AGAP1: variants seen among roughly 807,000 people sequenced by gnomAD.
The protein encoded by AGAP1 is ArfGAP with GTPase domain, ankyrin repeat and PH domain 1.
A neutral mutation model predicts 105.3 loss-of-function variants in AGAP1; 29 were observed. That is an observed-to-expected ratio of 0.28 (90% CI 0.21 to 0.38). The LOEUF is 0.38. Ranked by LOEUF, AGAP1 falls within the 10% of genes least tolerant of loss-of-function variation. The pLI is 1.00. For missense variants in AGAP1, 998 were observed against 1,165.1 expected, an observed-to-expected ratio of 0.86 and a Z score of 2.09; for synonymous variants, 509 against 485.9, an observed-to-expected ratio of 1.05 and a Z score of -0.63.
chr2:235,932,840 G>T (rs1034727627), intron 12 of AGAP1, among the ~76,000 whole-genome samples: 3 of 152,218 alleles, frequency 2.0e-5, no homozygotes, highest in Non-Finnish European at 4.4e-5. Context: ...CGTTTGGTTG[G>T]AAGTCTCTTT....
intron 6 of AGAP1, among the ~76,000 whole-genome samples, chr2:235,767,819 C>G (rs1955097937): frequency 8.3e-6 from 1 of 120,992 alleles, no homozygotes; most frequent in Admixed American, 1.2e-4. Context: ...CAGTCTCGCT[C>G]TGTCGCCCGG....
intron 8 of AGAP1, among the ~76,000 whole-genome samples, chr2:235,806,251 A>G (rs1396096876): frequency 6.6e-6 from 1 of 152,150 alleles, no homozygotes; most frequent in Non-Finnish European, 1.5e-5. Context: ...AGCACGTGAA[A>G]ATGTTTCTCC....
chr2:236,039,148 A>G (rs548783287), intron 14 of AGAP1, among the ~76,000 whole-genome samples: 1 of 152,310 alleles, frequency 6.6e-6, no homozygotes, highest in East Asian at 1.9e-4. Context: ...ATAAGCCTCA[A>G]AAACACTACA....
intron 1 of AGAP1, among the ~76,000 whole-genome samples, chr2:235,605,591 A>C (rs891100720): frequency 2.6e-5 from 4 of 152,216 alleles, no homozygotes; most frequent in Non-Finnish European, 5.9e-5. Context: ...CCAATTATTC[A>C]AGACACCCTA....
intron 5 of AGAP1, among the ~76,000 whole-genome samples, chr2:235,748,002 A>T (rs994800811): frequency 6.6e-6 from 1 of 152,260 alleles, no homozygotes; most frequent in Non-Finnish European, 1.5e-5. Context: ...GACTGCACGA[A>T]TGTTCATAAT....
rs1958766560 is a variant in AGAP1 at position 235,821,193 on chromosome 2, C to G, written c.1050+13862C>G. ...AAGAAGTTAAATTAGTAATTGCTAACTGAATAGTACCAGGATGTACAGCCA... is the reference window on the plus strand; with the variant it reads ...AAGAAGTTAAATTAGTAATTGCTAAGTGAATAGTACCAGGATGTACAGCCA... On this transcript the variant is annotated intron_variant, in intron 9 of 17. Transcript: ENST00000304032. Among the ~76,000 whole-genome samples the G allele has an allele frequency of 3.3e-5, 5 of 152,244 alleles. No homozygotes were observed. In the South Asian group the frequency reaches 1.0e-3, roughly 32 times the overall value.
rs756524688 is a variant in AGAP1 at position 235,621,320 on chromosome 2, C to T, written c.164-87859C>T. On this transcript the variant is annotated intron_variant, in intron 1 of 17. Transcript: ENST00000304032. This position sits in a 1 kb window ranked among gnomAD's most constrained non-coding sequence, Gnocchi z 4.1. ...TACAGGTGTGAGCCACCACGCCCAG[C>T]CGATCTATTTAATTTCATTGTGCCT... Among the ~76,000 whole-genome samples the T allele has an allele frequency of 2.6e-5, 4 of 152,184 alleles. No individual in the cohort carries two copies. The highest frequency in any genetic ancestry group is 7.2e-5 in the African/African-American group (3 of 41,438).
intron 1 of AGAP1, among the ~76,000 whole-genome samples, chr2:235,679,960 T>A (rs1294267244): frequency 4.6e-5 from 7 of 152,234 alleles, no homozygotes; most frequent in Non-Finnish European, 1.0e-4. Context: ...CGTGGATCTG[T>A]GTTGTACTGA....
At position 236,049,269 on chromosome 2, in the gene AGAP1, T is replaced by C. The variant is rs747919088; in HGVS notation, c.2102T>C (p.Val701Ala). The C allele has an allele frequency of 4.3e-6, 7 of 1,613,932 alleles. No individual in the cohort carries two copies. The East Asian group carries it at 1.3e-4, about 31-fold the overall frequency. The stretch of plus-strand genomic sequence containing the variant: ...AGCCAGGGGCGGACGAAACCATCGG[T>C]AGACTCCACAAGGTAGGAACTTTGG... Reference protein sequence around the residue: ...ESSQGRTKPSVDSTREEKERW... With the variant: ...ESSQGRTKPSADSTREEKERW... Residue 701 changes from valine to alanine, a missense_variant, in exon 16 of 18, where the codon GTA becomes GCA. Val to Ala is a moderately conservative substitution (Grantham distance 64, BLOSUM62 0). Transcript: ENST00000304032.
Position 235,893,531 on chromosome 2 carries a change from C to A in AGAP1, c.1155+10082C>A, listed in dbSNP as rs1331619431. ...GGTGTGGCATGTCCACGAGGGTGCACCATGTCTGTGGTGCGGGTGTGCCGT... is the reference window on the plus strand; with the variant it reads ...GGTGTGGCATGTCCACGAGGGTGCAACATGTCTGTGGTGCGGGTGTGCCGT... On this transcript the variant is annotated intron_variant, in intron 10 of 17. Transcript: ENST00000304032. This position sits in a 1 kb window ranked among gnomAD's most constrained non-coding sequence, Gnocchi z 4.7. Among the ~76,000 whole-genome samples the A allele has an allele frequency of 6.7e-6, 1 of 149,382 alleles. No homozygotes were observed. Among genetic ancestry groups the A allele is most frequent in the Non-Finnish European group, 1.5e-5 (1 of 67,252 alleles).
At chr2:235,648,661 C>T (rs1341736004) in intron 1 of AGAP1, among the ~76,000 whole-genome samples, 1 of 145,454 alleles carries the variant, frequency 6.9e-6, no homozygotes, top group African/African-American at 2.5e-5. Flanking sequence ...ATCACTAGGT[C>T]AGGAGATTGA....
Position 235,973,165 on chromosome 2 carries a change from C to T in AGAP1, c.1645+4542C>T, listed in dbSNP as rs2054723537. Among the ~76,000 whole-genome samples the T allele has an allele frequency of 6.6e-6, 1 of 152,156 alleles. No individual in the cohort carries two copies. The highest frequency in any genetic ancestry group is 1.5e-5 in the Non-Finnish European group (1 of 68,034). ...CCGATGGAAATTGGGCCGTTCCTGCCCTGGAGTTTCTCCCTGCGCAGGTGC... is the reference window on the plus strand; with the variant it reads ...CCGATGGAAATTGGGCCGTTCCTGCTCTGGAGTTTCTCCCTGCGCAGGTGC... On this transcript the variant is annotated intron_variant, in intron 13 of 17. Transcript: ENST00000304032. This position sits in a 1 kb window ranked among gnomAD's most constrained non-coding sequence, Gnocchi z 4.7.
intron 12 of AGAP1, among the ~76,000 whole-genome samples, chr2:235,941,005 C>T (rs2053234147): frequency 6.6e-6 from 1 of 152,188 alleles, no homozygotes; most frequent in Non-Finnish European, 1.5e-5. Context: ...AAATGAGCTC[C>T]AAGGATTCTG....
intron 11 of AGAP1, among the ~76,000 whole-genome samples, chr2:235,911,728 T>C (rs987503830): frequency 3.3e-5 from 5 of 152,244 alleles, no homozygotes; most frequent in Non-Finnish European, 7.3e-5. Flanking sequence ...TAAGAGCCCC[T>C]GTTGGGCAAA....
rs190630840 is a variant in AGAP1 at position 235,757,749 on chromosome 2, C to T, written c.673+7261C>T. ...GCCTCGGTGTGCTCTTGATGCTTTG[C>T]TTCCAGAGATTGAAATCCTGGTGTG... On this transcript the variant is annotated intron_variant, in intron 6 of 17. Transcript: ENST00000304032. Among the ~76,000 whole-genome samples the T allele has an allele frequency of 1.3e-4, 20 of 152,286 alleles. No homozygotes were observed. The East Asian group carries it at 3.9e-3, about 29-fold the overall frequency.
chr2:235,713,908 TTCTC>T (rs1184133785), intron 2 of AGAP1, among the ~76,000 whole-genome samples: 3 of 152,194 alleles, frequency 2.0e-5, no homozygotes, highest in African/African-American at 7.2e-5. Context: ...CGAGAGGTCT[TTCTC>T]AGGCCTCTTC....
At chr2:236,052,113 G>A (rs1461034323) in intron 16 of AGAP1, among the ~76,000 whole-genome samples, 2 of 152,026 alleles carry the variant, frequency 1.3e-5, no homozygotes, top group Non-Finnish European at 2.9e-5. Flanking sequence ...TTCTTTTAAT[G>A]TGGCCCTGAG....
At position 235,733,877 on chromosome 2, in the gene AGAP1, G is replaced by T. The variant is rs191605883; in HGVS notation, c.311-7086G>T. On this transcript the variant is annotated intron_variant, in intron 3 of 17. Coordinates refer to ENST00000304032, the MANE Select transcript of AGAP1 (RefSeq NM_001037131.3). This position sits in a 1 kb window ranked among gnomAD's most constrained non-coding sequence, Gnocchi z 5.0. ...TGGGAGAGGAAGTGAAATCTGATTT[G>T]GCTAAATTTTGTAAACAAAGATGTT... 1.3e-5 allele frequency among the ~76,000 whole-genome samples: 2 copies of T among 152,020 alleles called. No homozygotes were observed. The highest frequency in any genetic ancestry group is 3.9e-4 in the East Asian group (2 of 5,176).
chr2:236,106,257 C>T (rs543846329), intron 16 of AGAP1, among the ~76,000 whole-genome samples: 70 of 152,352 alleles, frequency 4.6e-4, no homozygotes, highest in South Asian at 2.5e-3. Flanking sequence ...GCCTAAGGAC[C>T]GTTGGTCCAT....
Sources: gnomAD v4.1 joint callset for allele counts (sites outside exome capture counted in the v4.1 genomes callset) on GRCh38, gnomAD v4.1.1 for gene constraint, Gnocchi (gnomAD v3.1) non-coding constraint, MANE v1.5 for transcripts, NCBI Gene and HGNC (gene_info 2026-07-23, HGNC 2026-07-21) for gene names.